The following PTGR1 variants were observed in gnomAD, a reference collection of about 807,000 sequenced individuals.
PTGR1 encodes the protein 15-oxoprostaglandin 13-reductase.
Under a neutral mutation model 37.7 loss-of-function variants are expected in PTGR1, and 23 were observed. That is an observed-to-expected ratio of 0.61 (90% CI 0.44 to 0.86). PTGR1 has a LOEUF of 0.86. Among genes scored for constraint, PTGR1 ranks in the 40% least tolerant of loss-of-function variants. The pLI, the probability that PTGR1 is intolerant of heterozygous loss-of-function variation, is 0.00. For missense variants in PTGR1, 351 were observed against 394.3 expected, an observed-to-expected ratio of 0.89 and a Z score of 0.93; for synonymous variants, 134 against 140.0, an observed-to-expected ratio of 0.96 and a Z score of 0.30.
intron 7 of PTGR1, among the ~76,000 whole-genome samples, chr9:111,576,143 AGTGAGACTG>A (rs1180814313): frequency 6.6e-6 from 1 of 151,838 alleles, no homozygotes; most frequent in African/African-American, 2.4e-5. Flanking sequence ...TGGGAGACAG[AGTGAGACTG>A]GTGAGACTGA....
chr9:111,594,100 G>A, intron 3 of PTGR1, 122 bp downstream of exon 3: 3 of 1,054,312 alleles, frequency 2.8e-6, no homozygotes, highest in Non-Finnish European at 4.3e-6. Flanking sequence ...CACTGATACT[G>A]GCTGGGAGAA....
downstream of PTGR1, among the ~76,000 whole-genome samples, chr9:111,562,276 CTTTTT>C (rs35900341): frequency 7.1e-6 from 1 of 140,496 alleles, no homozygotes. Flanking sequence ...AAGCAGTAAA[CTTTTT>C]TTTTTTTTTT....
Position 111,578,872 on chromosome 9 carries a change from T to A in PTGR1, c.575A>T (p.Asn192Ile). ...TTCCAAAGACTCTACCGTCTTGTAG[T>A]TAAAGACGACATCAAATCCAAGCTT... Reference protein sequence around the residue: ...LQKLGFDVVFNYKTVESLEET... With the variant: ...LQKLGFDVVFIYKTVESLEET... The change falls in exon 7 of 10, where the codon AAC (asparagine) becomes ATC (isoleucine). Residue 192 changes from asparagine (N) to isoleucine (I), a missense_variant. By Grantham distance (149) the Asn-to-Ile change is moderately radical. Coordinates refer to ENST00000407693, the MANE Select transcript of PTGR1 (RefSeq NM_001146108.2). 1.5e-5 allele frequency: 25 copies of A among 1,613,188 alleles called. No homozygotes were observed. Among genetic ancestry groups the A allele is most frequent in the Non-Finnish European group, 2.1e-5 (25 of 1,179,572 alleles).
At chr9:111,562,379 G>A (rs1226516815), downstream of PTGR1, among the ~76,000 whole-genome samples, 2 of 151,124 alleles carry the variant, frequency 1.3e-5, no homozygotes, top group Non-Finnish European at 2.9e-5. Flanking sequence ...AGGTTCAAGT[G>A]AGTCTCCTGT....
chr9:111,574,357 A>G (rs906816756), intron 8 of PTGR1: 1 of 153,150 alleles, frequency 6.5e-6, no homozygotes, highest in African/African-American at 2.4e-5. Flanking sequence ...TGTTTTTGTT[A>G]TTATTATTTT....
Position 111,563,075 on chromosome 9 carries a change from TTAAC to T in PTGR1, c.*42_*45del, listed in dbSNP as rs1417636891. The T allele has an allele frequency of 1.9e-6, 3 of 1,599,020 alleles. No homozygotes were observed. The highest frequency in any genetic ancestry group is 1.1e-5 in the South Asian group (1 of 89,234). The stretch of plus-strand genomic sequence containing the variant: ...TTTTTGCTAAATGGTGAAAAACAAA[TTAAC>T]TAATCATCTAAATGGCCTCCAGATT... On this transcript the variant is annotated 3_prime_UTR_variant, in exon 10 of 10. Coordinates refer to ENST00000407693, the MANE Select transcript of PTGR1 (RefSeq NM_001146108.2).
chr9:111,580,836 T>A (rs1315788561), intron 6 of PTGR1, among the ~76,000 whole-genome samples: 2 of 151,838 alleles, frequency 1.3e-5, no homozygotes, highest in East Asian at 3.9e-4. Context: ...TGTAAGAGCC[T>A]CCTAAGTGGA....
intron 9 of PTGR1, among the ~76,000 whole-genome samples, chr9:111,556,098 A>G (rs545387326): frequency 1.3e-5 from 2 of 152,318 alleles, no homozygotes; most frequent in African/African-American, 4.8e-5. Flanking sequence ...TCCCATTCCA[A>G]GGAGGAGAGA....
chr9:111,552,639 C>G (rs1828003127), intron 9 of PTGR1, among the ~76,000 whole-genome samples: 1 of 152,086 alleles, frequency 6.6e-6, no homozygotes, highest in African/African-American at 2.4e-5. Flanking sequence ...CATTTCATTG[C>G]CTTTACATGA....
chr9:111,555,623 G>A (rs537103119), intron 9 of PTGR1, among the ~76,000 whole-genome samples: 1 of 152,318 alleles, frequency 6.6e-6, no homozygotes, highest in East Asian at 1.9e-4. Flanking sequence ...AGTCATGGCA[G>A]AAGGGCAAAG....
downstream of PTGR1, among the ~76,000 whole-genome samples, chr9:111,558,821 C>T (rs1828195406): frequency 6.6e-6 from 1 of 152,150 alleles, no homozygotes; most frequent in African/African-American, 2.4e-5. Context: ...CAATTCCAAT[C>T]TAACACCACA....
At chr9:111,570,848 A>G (rs74308680) in intron 8 of PTGR1, among the ~76,000 whole-genome samples, 10,933 of 152,196 alleles carry the variant, frequency 0.072, 570 homozygotes, top group East Asian at 0.25. Context: ...TGGACCCAAT[A>G]TAACAGCAAA....
intron 9 of PTGR1, among the ~76,000 whole-genome samples, chr9:111,553,240 A>G (rs1005993419): frequency 1.3e-5 from 2 of 152,224 alleles, no homozygotes; most frequent in African/African-American, 2.4e-5. Context: ...GTAAATTGCA[A>G]TTGCCATTCA....
At chr9:111,588,828 T>C (rs771715595) in intron 4 of PTGR1, among the ~76,000 whole-genome samples, 1 of 152,006 alleles carries the variant, frequency 6.6e-6, no homozygotes, top group Non-Finnish European at 1.5e-5. Flanking sequence ...GCCCAGACTT[T>C]TTTGTATTTT....
chr9:111,578,787 T>G lies in PTGR1; in HGVS notation c.651+9A>C. The stretch of plus-strand genomic sequence containing the variant: ...AATAAATTAGATATTAAGTCCAGTT[T>G]GTACTTACATTATCAAAATAACAAT... On this transcript the variant is annotated intron_variant, in intron 7 of 9. Coordinates refer to ENST00000407693, the MANE Select transcript of PTGR1 (RefSeq NM_001146108.2). 6.3e-7 allele frequency: 1 copy of G among 1,596,680 alleles called. No homozygotes were observed. The highest frequency in any genetic ancestry group is 8.5e-7 in the Non-Finnish European group (1 of 1,172,340).
intron 1 of PTGR1, among the ~76,000 whole-genome samples, chr9:111,598,570 C>A (rs1271262433): frequency 6.6e-6 from 1 of 152,208 alleles, no homozygotes; most frequent in African/African-American, 2.4e-5. Flanking sequence ...TCTCAGCTCA[C>A]TGCAACCTCC....
intron 8 of PTGR1, among the ~76,000 whole-genome samples, chr9:111,573,481 C>T (rs1828920781): frequency 6.6e-6 from 1 of 152,156 alleles, no homozygotes. Context: ...ATTAGTCAAG[C>T]TCATCATAGA....
At chr9:111,553,673 A>G (rs1391593821) in intron 9 of PTGR1, among the ~76,000 whole-genome samples, 4 of 152,250 alleles carry the variant, frequency 2.6e-5, no homozygotes, top group Non-Finnish European at 5.9e-5. Context: ...GTCCTATGCA[A>G]TGCAGTGGTT....
chr9:111,565,132 A>G (rs1828499477), intron 9 of PTGR1, among the ~76,000 whole-genome samples: 1 of 152,156 alleles, frequency 6.6e-6, no homozygotes, highest in African/African-American at 2.4e-5. Flanking sequence ...CTCAAAAAAA[A>G]AAGTACTTAA....
Sources: gnomAD v4.1 joint callset for allele counts (sites outside exome capture counted in the v4.1 genomes callset) on GRCh38, gnomAD v4.1.1 for gene constraint, MANE v1.5 for transcripts, NCBI Gene and HGNC (gene_info 2026-07-23, HGNC 2026-07-21) for gene names.